Variants in PDIA6 observed in about 807,000 individuals in gnomAD.
The protein encoded by PDIA6 is protein disulfide isomerase family A member 6, also known as protein disulfide-isomerase A6.
PDIA6 carries 29 observed loss-of-function variants against 58.4 expected under a neutral mutation model. That is an observed-to-expected ratio of 0.50 (90% CI 0.37 to 0.68). The LOEUF is 0.68. Among genes scored for constraint, PDIA6 ranks in the 30% least tolerant of loss-of-function variants. PDIA6 has a pLI of 0.00. For synonymous variants in PDIA6, 192 were observed against 202.6 expected (o/e 0.95, Z 0.44); for missense variants, 480 against 551.0 (o/e 0.87, Z 1.29).
intron 2 of PDIA6, among the ~76,000 whole-genome samples, chr2:10,818,482 A>T (rs1686499): frequency 0.39 from 20,345 of 52,444 alleles, 1,884 homozygotes; most frequent in East Asian, 0.54. Flanking sequence ...TAACCATTTA[A>T]TTTATTTATT....
chr2:10,818,494 A>T (rs1326722421), intron 2 of PDIA6, among the ~76,000 whole-genome samples: 1 of 117,678 alleles, frequency 8.5e-6, no homozygotes, highest in Non-Finnish European at 1.9e-5. Context: ...TTATTTATTT[A>T]TTTATTTATT....
chr2:10,816,470 T>C (rs1034007907), upstream of PDIA6, among the ~76,000 whole-genome samples: 5 of 151,626 alleles, frequency 3.3e-5, no homozygotes, highest in African/African-American at 1.2e-4. Context: ...GGTTAAATTA[T>C]CTTGTCTCTT....
intron 4 of PDIA6, among the ~76,000 whole-genome samples, chr2:10,795,655 G>A (rs901590708): frequency 2.6e-5 from 4 of 152,222 alleles, no homozygotes; most frequent in Admixed American, 1.3e-4. Context: ...AAGACACTAA[G>A]TACTGTTTAG....
In PDIA6 at chr2:10,792,968, T is replaced by A. The variant is rs1666101974; in HGVS notation, c.453+128A>T. On this transcript the variant is annotated intron_variant, in intron 5 of 12. Transcript: ENST00000272227. ...TTCCCTCTGGGATCGGTGGATCCAA[T>A]CCTCTATTATTCTTTAATTGAGAGT... The A allele has an allele frequency of 5.8e-6, 4 of 685,698 alleles. No individual in the cohort carries two copies. The Admixed American group carries it at 6.7e-5, about 12-fold the overall frequency. 42.5% of individuals were successfully genotyped at this position (685,698 alleles called of 1,614,324 possible).
chr2:10,810,429 A>C, intron 1 of PDIA6: 1 of 1,402,212 alleles, frequency 7.1e-7, no homozygotes, highest in South Asian at 1.7e-5. Context: ...GGCTGCAGTC[A>C]CCAGAACAGA....
rs1665523394 is a variant in PDIA6, at chr2:10,783,480, G to C, written c.*778C>G. The stretch of plus-strand genomic sequence containing the variant: ...CAACAAATTCAAAACTTCATTTTCT[G>C]AATGTTTTACATAAATGCGAACTAC... On this transcript the variant is annotated 3_prime_UTR_variant, in exon 13 of 13. Transcript: ENST00000272227. 1 of 464,820 alleles carries C rather than the reference G, an allele frequency of 2.2e-6. No homozygotes were observed. The highest frequency in any genetic ancestry group is 3.9e-6 in the Non-Finnish European group (1 of 258,316). 28.8% of individuals were successfully genotyped at this position (464,820 alleles called of 1,614,324 possible).
At chr2:10,790,640 T>G (rs775603143) in intron 7 of PDIA6, 79 bp downstream of exon 7, 9 of 992,310 alleles carry the variant, frequency 9.1e-6, no homozygotes, top group African/African-American at 1.6e-5. Flanking sequence ...TACTACCTCA[T>G]AGGGAGGCCT....
chr2:10,816,473 T>C (rs2148571499), upstream of PDIA6, among the ~76,000 whole-genome samples: 1 of 151,780 alleles, frequency 6.6e-6, no homozygotes, highest in South Asian at 2.1e-4. Context: ...TAAATTATCT[T>C]GTCTCTTCAG....
intron 4 of PDIA6, among the ~76,000 whole-genome samples, chr2:10,795,378 C>T (rs1375988855): frequency 1.3e-5 from 2 of 152,092 alleles, no homozygotes; most frequent in African/African-American, 4.8e-5. Context: ...AATTATTATT[C>T]AAAGGCAGAA....
Position 10,832,424 on chromosome 2 carries a change from TATTA to T in PDIA6, c.-274_-271del. 3 of 985,478 alleles carry T rather than the reference TATTA, an allele frequency of 3.0e-6. No individual in the cohort carries two copies. The South Asian group carries it at 1.4e-4, about 46-fold the overall frequency. The allele number at this position is 985,478 out of a possible 1,614,324, so 61.0% of individuals were successfully genotyped here. A position where few individuals can be genotyped will look rare whatever the true frequency, so the allele number is the denominator to read the frequency against. The stretch of plus-strand genomic sequence containing the variant: ...TCACAAACACCACCTGGTGGGATTC[TATTA>T]ATTCCTGTTTGAAGCACGAGGCCAG... On this transcript the variant is annotated 5_prime_UTR_variant, in exon 1 of 14. Coordinates refer to the PDIA6 transcript ENST00000381611.
chr2:10,835,309 G>A (rs910056587), upstream of PDIA6, among the ~76,000 whole-genome samples: 1 of 152,194 alleles, frequency 6.6e-6, no homozygotes, highest in African/African-American at 2.4e-5. Flanking sequence ...GCAGGCGGGT[G>A]AGGTGGGCAA....
At chr2:10,816,061 A>G (rs1285039782), upstream of PDIA6, among the ~76,000 whole-genome samples, 2 of 147,012 alleles carry the variant, frequency 1.4e-5, no homozygotes, top group Non-Finnish European at 3.0e-5. Context: ...TACTTCATAT[A>G]AGAGAAATCA....
At chr2:10,796,704 C>T (rs2148545535) in intron 4 of PDIA6, among the ~76,000 whole-genome samples, 1 of 152,166 alleles carries the variant, frequency 6.6e-6, no homozygotes, top group South Asian at 2.1e-4. Flanking sequence ...ATTACAGTCT[C>T]CTTTTCCATA....
chr2:10,803,501 A>G (rs10186902), intron 1 of PDIA6, among the ~76,000 whole-genome samples: 110 of 97,882 alleles, frequency 1.1e-3, no homozygotes, highest in African/African-American at 3.2e-3. Context: ...AATACTATCC[A>G]TAACACATTA....
intron 1 of PDIA6, among the ~76,000 whole-genome samples, chr2:10,806,167 A>C (rs1666732720): frequency 6.6e-6 from 1 of 151,776 alleles, no homozygotes; most frequent in Admixed American, 6.6e-5. Flanking sequence ...CAGGAATTCA[A>C]GACCAGCCTG....
intron 1 of PDIA6, chr2:10,821,013 G>A: frequency 1.7e-6 from 1 of 575,586 alleles, no homozygotes; most frequent in Non-Finnish European, 3.1e-6. Context: ...GAAGGGGAGG[G>A]GGGTGGATTC....
intron 1 of PDIA6, among the ~76,000 whole-genome samples, chr2:10,819,934 G>C (rs1414482764): frequency 2.0e-5 from 3 of 152,186 alleles, no homozygotes; most frequent in Non-Finnish European, 4.4e-5. Flanking sequence ...CTGCAGGTTT[G>C]TCCTGCTGGT....
intron 1 of PDIA6, among the ~76,000 whole-genome samples, chr2:10,820,463 G>A (rs1667350458): frequency 6.6e-6 from 1 of 152,164 alleles, no homozygotes; most frequent in Non-Finnish European, 1.5e-5. Flanking sequence ...AGGGGAAGAT[G>A]GAGCTTCCAT....
intron 2 of PDIA6, among the ~76,000 whole-genome samples, chr2:10,818,896 G>A (rs1667300936): frequency 1.3e-5 from 2 of 152,002 alleles, no homozygotes; most frequent in South Asian, 4.2e-4. Flanking sequence ...CATCTCCAGA[G>A]CTTTTTATCA....
Sources: gnomAD v4.1 joint callset for allele counts (sites outside exome capture counted in the v4.1 genomes callset) on GRCh38, gnomAD v4.1.1 for gene constraint, MANE v1.5 for transcripts, NCBI Gene and HGNC (gene_info 2026-07-23, HGNC 2026-07-21) for gene names.